IFNA13: variants seen among roughly 807,000 people sequenced by gnomAD.
IFNA13 encodes interferon alpha 13.
For synonymous variants in IFNA13, 61 were observed against 86.3 expected, an observed-to-expected ratio of 0.71 and a Z score of 1.62; for missense variants, 166 against 220.7, an observed-to-expected ratio of 0.75 and a Z score of 1.57.
At chr9:21,368,022 A>T (rs750692485) in exon 1 of IFNA13, 6 of 1,612,788 alleles carry the variant, frequency 3.7e-6, no homozygotes, top group Admixed American at 1.7e-5. Context: ...GATATTGCAG[A>T]TGCTTCTGGG....
chr9:21,367,598 G>A lies in IFNA13; in HGVS notation c.413C>T (p.Ala138Val), dbSNP rs147936545. The A allele has an allele frequency of 2.2e-3, 3,580 of 1,592,772 alleles. 84 individuals are homozygous for A. The African/African-American group carries it at 0.041, about 18-fold the overall frequency. ...TTTCTTCACAGCCAAGATGGAGTCC[G>A]CATTCATCAGGGGAGTTTCTCCCAC... The change falls in exon 1 of 1, where the codon GCG becomes GTG. Residue 138 changes from alanine to valine, a missense_variant. Ala to Val is a moderately conservative substitution (Grantham distance 64). Transcript: ENST00000610660.
At chr9:21,367,937 C>T in exon 1 of IFNA13, 2 of 1,612,608 alleles carry the variant, frequency 1.2e-6, no homozygotes, top group Non-Finnish European at 8.5e-7. Flanking sequence ...AGGGAGATCA[C>T]AGCCCAGAGA....
chr9:21,367,521 C>A, exon 1 of IFNA13: 5 of 1,597,204 alleles, frequency 3.1e-6, no homozygotes, highest in Non-Finnish European at 4.3e-6. Context: ...ACCTCCCAGG[C>A]ACAAGGGCTG....
At chr9:21,367,995 A>T (rs778545346) in exon 1 of IFNA13, 21 of 1,612,990 alleles carry the variant, frequency 1.3e-5, no homozygotes, top group Middle Eastern at 1.7e-4. Flanking sequence ...AGTAAAGCAA[A>T]GGGCGAGGCC....
At chr9:21,367,391 G>T, downstream of IFNA13, 3 of 1,606,232 alleles carry the variant, frequency 1.9e-6, no homozygotes, top group Non-Finnish European at 1.7e-6. Context: ...ATGAAAGCGT[G>T]ACCTGGTATA....
exon 1 of IFNA13, chr9:21,367,870 T>C (rs781095968): frequency 6.2e-7 from 1 of 1,609,510 alleles, no homozygotes; most frequent in Non-Finnish European, 8.5e-7. Context: ...AAGGAGAGAT[T>C]CTGCTCATTT....
downstream of IFNA13, chr9:21,367,382 T>C (rs1820643334): frequency 1.9e-6 from 3 of 1,599,824 alleles, no homozygotes; most frequent in Non-Finnish European, 8.5e-7. Context: ...GCAGAATTCA[T>C]GAAAGCGTGA....
chr9:21,367,923 T>G, exon 1 of IFNA13: 2 of 1,611,856 alleles, frequency 1.2e-6, no homozygotes, highest in Middle Eastern at 1.7e-4. Flanking sequence ...AGGCTGTGGG[T>G]CTCAGGGAGA....
At chr9:21,368,008 C>A (rs1287911276) in exon 1 of IFNA13, 2 of 1,612,562 alleles carry the variant, frequency 1.2e-6, no homozygotes, top group Admixed American at 1.7e-5. Context: ...GCGAGGCCAT[C>A]ATAGATATTG....
At chr9:21,367,566 G>A in the IFNA13 span, 85 of 1,606,114 alleles carry the variant, frequency 5.3e-5, no homozygotes, top group East Asian at 1.2e-3. Flanking sequence ...GTGATTCTTC[G>A]GAAGTATTTC....
chr9:21,367,834 G>A, exon 1 of IFNA13: 3 of 1,601,940 alleles, frequency 1.9e-6, no homozygotes, highest in Non-Finnish European at 2.6e-6. Flanking sequence ...GAAATCCAAA[G>A]TCATGTCTGT....
At chr9:21,367,508 A>G (rs1239892181) in exon 1 of IFNA13, 1 of 1,590,718 alleles carries the variant, frequency 6.3e-7, no homozygotes, top group African/African-American at 1.4e-5. Flanking sequence ...TTCTGCTCTG[A>G]CAACCTCCCA....
At position 21,367,913 on chromosome 9, in the gene IFNA13, A is replaced by C. The variant is rs1382316342; in HGVS notation, c.98T>G (p.Leu33Arg). Reference sequence around the variant, plus strand: ...GAGCATCAAGGTCCTCCTGTTATCCAGGCTGTGGGTCTCAGGGAGATCACA... The same window carrying C: ...GAGCATCAAGGTCCTCCTGTTATCCCGGCTGTGGGTCTCAGGGAGATCACA... Residue 33 changes from leucine (L) to arginine (R), a missense_variant, in exon 1 of 1, where the codon CTG becomes CGG. Physicochemically the swap from Leu to Arg is moderately radical, Grantham distance 102. Transcript: ENST00000610660. 3.1e-6 allele frequency: 5 copies of C among 1,611,206 alleles called. No individual in the cohort carries two copies. The African/African-American group carries it at 4.1e-5, about 13-fold the overall frequency.
chr9:21,367,801 G>A (rs769704162), exon 1 of IFNA13: 2 of 1,583,522 alleles, frequency 1.3e-6, no homozygotes, highest in Middle Eastern at 1.7e-4. Context: ...TCTGGAACTG[G>A]TTGCCATCAA....
In IFNA13 at chr9:21,367,814, T is replaced by C. The variant is rs572982034; in HGVS notation, c.197A>G (p.Glu66Gly). 4.3e-5 allele frequency: 69 copies of C among 1,594,268 alleles called. No individual in the cohort carries two copies. The Admixed American group carries it at 8.0e-4, about 18-fold the overall frequency. Reference sequence around the variant, plus strand: ...CTTCTGGAACTGGTTGCCATCAAACTCCTCCTGGGGAAATCCAAAGTCATG... The same window carrying C: ...CTTCTGGAACTGGTTGCCATCAAACCCCTCCTGGGGAAATCCAAAGTCATG... Residue 66 changes from glutamate (E) to glycine (G), a missense_variant, in exon 1 of 1, where the codon GAG (glutamate) becomes GGG (glycine). Glu to Gly is a moderately conservative substitution (Grantham distance 98, BLOSUM62 -2). Coordinates refer to ENST00000610660, the Ensembl canonical transcript of IFNA13.
exon 1 of IFNA13, chr9:21,367,428 G>A (rs1342489408): frequency 6.2e-7 from 1 of 1,613,828 alleles, no homozygotes; most frequent in Non-Finnish European, 8.5e-7. Flanking sequence ...GTTTCATGTT[G>A]GACCAGGTGT....
exon 1 of IFNA13, chr9:21,367,906 G>C: frequency 6.2e-7 from 1 of 1,610,870 alleles, no homozygotes; most frequent in Non-Finnish European, 8.5e-7. Flanking sequence ...AGGTCCTCCT[G>C]TTATCCAGGC....
downstream of IFNA13, chr9:21,367,389 G>A (rs777210236): frequency 2.2e-5 from 36 of 1,605,378 alleles, no homozygotes; most frequent in South Asian, 5.6e-5. Flanking sequence ...TCATGAAAGC[G>A]TGACCTGGTA....
exon 1 of IFNA13, chr9:21,367,463 T>G: frequency 6.2e-7 from 1 of 1,613,336 alleles, no homozygotes; most frequent in Non-Finnish European, 8.5e-7. Flanking sequence ...TAATCTTTCT[T>G]GCAAGTTTGT....
Sources: gnomAD v4.1 joint callset for allele counts on GRCh38, gnomAD v4.1.1 for gene constraint, MANE v1.5 for transcripts, NCBI Gene and HGNC (gene_info 2026-07-23, HGNC 2026-07-21) for gene names.